PTPRK: variants seen among roughly 807,000 people sequenced by gnomAD.
PTPRK encodes protein tyrosine phosphatase receptor type K.
Under a neutral mutation model 178.0 loss-of-function variants are expected in PTPRK, and 75 were observed. The ratio of observed to expected loss-of-function variants is 0.42; its 90% CI spans 0.35 to 0.51. The LOEUF is 0.51. PTPRK is among the 20% of genes least tolerant of loss of function. The probability of loss-of-function intolerance (pLI) is 0.02; values close to 1 mark genes in which losing one functional copy is unlikely to be tolerated. For missense variants in PTPRK, 1,441 were observed against 1,797.8 expected, an observed-to-expected ratio of 0.80 and a Z score of 3.59; for synonymous variants, 637 against 620.6, an observed-to-expected ratio of 1.03 and a Z score of -0.39.
chr6:128,359,332 T>C (rs1373292506), intron 2 of PTPRK, among the ~76,000 whole-genome samples: 1 of 152,174 alleles, frequency 6.6e-6, no homozygotes, highest in Non-Finnish European at 1.5e-5. Context: ...GTATTTTCTA[T>C]CTTTGAGTAT....
At position 128,128,610 on chromosome 6, in the gene PTPRK, C is replaced by T. The variant is rs370991595; in HGVS notation, c.1163-38618G>A. ...TGTATTCACAGGAAAAAGGAGAAAC[C>T]ACAAGAAAACTCTGGTGAACCTCCT... On this transcript the variant is annotated intron_variant, in intron 7 of 29. Coordinates refer to ENST00000368226, the MANE Select transcript of PTPRK (RefSeq NM_002844.4). Among the ~76,000 whole-genome samples, 191 of 152,284 alleles carry T rather than the reference C, an allele frequency of 1.3e-3. 6 individuals carry two copies. The South Asian group carries it at 0.037, about 29-fold the overall frequency.
In PTPRK at chr6:128,465,106, T is replaced by C. The variant is rs577331819; in HGVS notation, c.100+55153A>G. Among the ~76,000 whole-genome samples, 55 of 151,712 alleles carry C rather than the reference T, an allele frequency of 3.6e-4. 1 individual carries two copies. Among genetic ancestry groups the C allele is most frequent in the Non-Finnish European group, 6.8e-4 (46 of 67,854 alleles). On this transcript the variant is annotated intron_variant, in intron 1 of 29. Transcript: ENST00000368226. ...AATTTCCAACAAGAGCAGTTTGGTA[T>C]GTTAAACCAATTGAGAGTAAAGACA...
chr6:128,213,445 A>AT (rs1398183696), intron 6 of PTPRK, among the ~76,000 whole-genome samples: 1 of 152,020 alleles, frequency 6.6e-6, no homozygotes, highest in Non-Finnish European at 1.5e-5. Flanking sequence ...TTAGTATGTG[A>AT]TTCAGTGTGT....
chr6:128,073,086 GT>G, intron 11 of PTPRK, among the ~76,000 whole-genome samples: 1 of 152,152 alleles, frequency 6.6e-6, no homozygotes, highest in East Asian at 1.9e-4. Context: ...ATATTATACT[GT>G]TAAAAATAGT....
intron 3 of PTPRK, chr6:128,321,378 C>T (rs1828765980): frequency 5.8e-6 from 1 of 173,898 alleles, no homozygotes; most frequent in Non-Finnish European, 1.2e-5. Context: ...AGCATATAAA[C>T]TCAGTCACAG....
chr6:127,973,098 T>C lies in PTPRK; in HGVS notation c.4193A>G (p.Lys1398Arg). ...GAAAACATCGACAACATTTTGCCGT[T>C]TCACCATTTCAACAACGATGCCTAT... Reference protein sequence around the residue: ...CAIGIVVEMVKRQNVVDVFHA... With the variant: ...CAIGIVVEMVRRQNVVDVFHA... Residue 1398 changes from lysine (K) to arginine (R), a missense_variant, in exon 29 of 30, where the codon AAA becomes AGA. Transcript: ENST00000368226. The C allele has an allele frequency of 1.2e-6, 2 of 1,614,126 alleles. No homozygotes were observed. Among genetic ancestry groups the C allele is most frequent in the African/African-American group, 1.3e-5 (1 of 75,048 alleles).
chr6:128,323,902 G>A (rs1829191354), intron 2 of PTPRK, among the ~76,000 whole-genome samples: 1 of 151,804 alleles, frequency 6.6e-6, no homozygotes, highest in Non-Finnish European at 1.5e-5. Context: ...CTGTCCGTGT[G>A]TATTTTGGAG....
chr6:128,001,285 CAGTA>C (rs1310881984), intron 15 of PTPRK: 5 of 1,136,294 alleles, frequency 4.4e-6, no homozygotes, highest in Non-Finnish European at 6.3e-6. Context: ...CCTTTTAAAT[CAGTA>C]AGTATTAGCA....
chr6:128,095,726 A>G (rs182934756), intron 7 of PTPRK, among the ~76,000 whole-genome samples: 324 of 152,238 alleles, frequency 2.1e-3, no homozygotes, highest in African/African-American at 7.4e-3. Context: ...GAACATTAAG[A>G]AGCTGGTAAA....
In PTPRK at chr6:128,177,775, T is replaced by C. The variant is rs545249020; in HGVS notation, c.1162+6657A>G. 6.6e-5 allele frequency among the ~76,000 whole-genome samples: 10 copies of C among 151,920 alleles called. 1 individual carries two copies. The highest frequency in any genetic ancestry group is 6.2e-4 in the South Asian group (3 of 4,822). On this transcript the variant is annotated intron_variant, in intron 7 of 29. Transcript: ENST00000368226. ...CTTATGCTGGGAACTCCTAGCATAA[T>C]AGACCATTAGCAGAATGTATAGGTG... is the stretch of plus-strand genomic sequence containing the variant.
chr6:128,387,512 G>C (rs1305511140), intron 2 of PTPRK, among the ~76,000 whole-genome samples: 1 of 152,104 alleles, frequency 6.6e-6, no homozygotes, highest in African/African-American at 2.4e-5. Context: ...TTCTTTCACT[G>C]ATTATAAATG....
At chr6:128,361,281 A>G (rs1562357107) in intron 2 of PTPRK, among the ~76,000 whole-genome samples, 1 of 152,142 alleles carries the variant, frequency 6.6e-6, no homozygotes, top group Non-Finnish European at 1.5e-5. Flanking sequence ...TGTGCCCATG[A>G]ATAGTTACCT....
At chr6:128,351,344 G>A (rs969218851) in intron 2 of PTPRK, among the ~76,000 whole-genome samples, 11 of 152,026 alleles carry the variant, frequency 7.2e-5, no homozygotes, top group Admixed American at 5.2e-4. Context: ...AATTTAAACA[G>A]GACATGTTCA....
chr6:128,007,761 G>A (rs914686487), intron 14 of PTPRK, among the ~76,000 whole-genome samples: 3 of 150,992 alleles, frequency 2.0e-5, no homozygotes, highest in African/African-American at 7.3e-5. Flanking sequence ...CCAATCTGAA[G>A]TGACCAGAAC....
chr6:128,413,557 T>C (rs1308488631), intron 1 of PTPRK, among the ~76,000 whole-genome samples: 1 of 152,166 alleles, frequency 6.6e-6, no homozygotes, highest in Non-Finnish European at 1.5e-5. Context: ...ACTTCTGTGA[T>C]ATCAATGGTA....
chr6:128,310,032 A>G (rs751692838), intron 3 of PTPRK, among the ~76,000 whole-genome samples: 1 of 152,222 alleles, frequency 6.6e-6, no homozygotes, highest in South Asian at 2.1e-4. Flanking sequence ...GACAATGAAT[A>G]GCCTTTCTCT....
In PTPRK at chr6:128,520,498, C is replaced by A. The variant is rs1281210041; in HGVS notation, c.-140G>T. The stretch of plus-strand genomic sequence containing the variant: ...AGCCGCCCGCCCGCCCTTTTTCCTT[C>A]TTCGCGGTCGCCAAACTACCTCAGG... On this transcript the variant is annotated 5_prime_UTR_variant, in exon 1 of 30. Transcript: ENST00000368226. The A allele has an allele frequency of 1.8e-5, 14 of 772,268 alleles. No individual in the cohort carries two copies. The highest frequency in any genetic ancestry group is 2.9e-5 in the Non-Finnish European group (14 of 477,202). The allele number at this position is 772,268 out of a possible 1,614,324, so 47.8% of individuals were successfully genotyped here.
chr6:128,470,412 T>A (rs997097962), intron 1 of PTPRK, among the ~76,000 whole-genome samples: 3 of 152,094 alleles, frequency 2.0e-5, no homozygotes, highest in Middle Eastern at 3.4e-3. Flanking sequence ...CGTTTTTTTT[T>A]AAACAAAAGT....
chr6:128,352,765 C>T (rs1266194628), intron 2 of PTPRK, among the ~76,000 whole-genome samples: 1 of 152,166 alleles, frequency 6.6e-6, no homozygotes, highest in African/African-American at 2.4e-5. Flanking sequence ...TAACAAAGCA[C>T]ATATAACATC....
Sources: gnomAD v4.1 joint callset for allele counts (sites outside exome capture counted in the v4.1 genomes callset) on GRCh38, gnomAD v4.1.1 for gene constraint, MANE v1.5 for transcripts, NCBI Gene and HGNC (gene_info 2026-07-23, HGNC 2026-07-21) for gene names.